MARCHF1: variants seen among roughly 807,000 people sequenced by gnomAD.
MARCHF1 encodes the protein membrane associated ring-CH-type finger 1.
MARCHF1 carries 40 observed loss-of-function variants against 54.2 expected under a neutral mutation model. The ratio of observed to expected loss-of-function variants is 0.74; its 90% CI spans 0.57 to 0.96. The LOEUF is 0.96. MARCHF1 is among the 40% of genes least tolerant of loss of function. MARCHF1 has a pLI of 0.00. For synonymous variants in MARCHF1, 236 were observed against 236.3 expected (o/e 1.00, Z 0.01); for missense variants, 586 against 656.5 (o/e 0.89, Z 1.17).
intron 2 of MARCHF1, among the ~76,000 whole-genome samples, chr4:164,103,274 A>T (rs1242804118): frequency 1.4e-5 from 1 of 73,364 alleles, no homozygotes; most frequent in African/African-American, 4.4e-5. Context: ...CCTAATAGAC[A>T]TCTACAGAAC....
chr4:164,226,697 T>C (rs2111166928), intron 1 of MARCHF1, among the ~76,000 whole-genome samples: 1 of 152,170 alleles, frequency 6.6e-6, no homozygotes, highest in African/African-American at 2.4e-5. Flanking sequence ...TAAAACTTTG[T>C]ACTAAATGTA....
At chr4:164,080,023 A>G (rs1031053944) in intron 2 of MARCHF1, among the ~76,000 whole-genome samples, 1 of 152,206 alleles carries the variant, frequency 6.6e-6, no homozygotes, top group Non-Finnish European at 1.5e-5. Flanking sequence ...TTTAATTAAT[A>G]GAATACAATT....
At position 163,945,546 on chromosome 4, in the gene MARCHF1, A is replaced by T. The variant is rs115982805; in HGVS notation, c.-39+42955T>A. Among the ~76,000 whole-genome samples, 954 of 152,222 alleles carry T rather than the reference A, an allele frequency of 6.3e-3. 9 individuals carry two copies. The highest frequency in any genetic ancestry group is 0.022 in the African/African-American group (910 of 41,540). On this transcript the variant is annotated intron_variant, in intron 3 of 9. Coordinates refer to ENST00000514618, the MANE Select transcript of MARCHF1 (RefSeq NM_001394959.1). ...AGCCTAGGTCTTTCTGAATTATTGAACTCAGTTCCAGCAATGCAACAAGGA... is the reference window on the plus strand; with the variant it reads ...AGCCTAGGTCTTTCTGAATTATTGATCTCAGTTCCAGCAATGCAACAAGGA...
chr4:163,803,662 C>G (rs1748145596), intron 4 of MARCHF1, among the ~76,000 whole-genome samples: 1 of 151,976 alleles, frequency 6.6e-6, no homozygotes, highest in East Asian at 1.9e-4. Flanking sequence ...GGATTTTTAC[C>G]TAGAGCTAAA....
At chr4:164,138,219 G>A (rs535757993) in intron 1 of MARCHF1, among the ~76,000 whole-genome samples, 3 of 150,852 alleles carry the variant, frequency 2.0e-5, no homozygotes, top group South Asian at 4.2e-4. Flanking sequence ...GCATTACCTA[G>A]GTTTTTTTTT....
chr4:164,160,962 A>G (rs1312997860), intron 1 of MARCHF1, among the ~76,000 whole-genome samples: 1 of 152,188 alleles, frequency 6.6e-6, no homozygotes, highest in African/African-American at 2.4e-5. Context: ...ACAAAAATCT[A>G]AGAATAACAT....
In MARCHF1 at chr4:164,332,973, T is replaced by C. The variant is rs571746026; in HGVS notation, c.-323+50897A>G. 2.6e-5 allele frequency among the ~76,000 whole-genome samples: 4 copies of C among 152,216 alleles called. No homozygotes were observed. The South Asian group carries it at 8.3e-4, about 32-fold the overall frequency. Reference sequence around the variant, plus strand: ...CATTATTGCTAAATTTTAGGGAATATTATGGTATTGTTCAATTGTTCTTGT... The same window carrying C: ...CATTATTGCTAAATTTTAGGGAATACTATGGTATTGTTCAATTGTTCTTGT... On this transcript the variant is annotated intron_variant, in intron 1 of 9. Transcript: ENST00000514618.
chr4:163,600,670 C>A (rs569220975), intron 7 of MARCHF1, among the ~76,000 whole-genome samples: 28 of 152,134 alleles, frequency 1.8e-4, no homozygotes, highest in Non-Finnish European at 3.1e-4. Flanking sequence ...TTTGGTTACA[C>A]CCCCAGAGAG....
rs1047585154 is a variant in MARCHF1, at chr4:164,297,439, G to A, written c.-323+86431C>T. Reference sequence around the variant, plus strand: ...AAGTCAGTCTCTAATATTCTTCCTTGTCTAATCATGAGGAAAACATCAGGC... The same window carrying A: ...AAGTCAGTCTCTAATATTCTTCCTTATCTAATCATGAGGAAAACATCAGGC... On this transcript the variant is annotated intron_variant, in intron 1 of 9. Coordinates refer to ENST00000514618, the MANE Select transcript of MARCHF1 (RefSeq NM_001394959.1). Among the ~76,000 whole-genome samples the A allele has an allele frequency of 5.9e-5, 9 of 152,202 alleles. No homozygotes were observed. In the South Asian group the frequency reaches 1.9e-3, roughly 32 times the overall value.
intron 5 of MARCHF1, among the ~76,000 whole-genome samples, chr4:163,675,339 A>G (rs1318030179): frequency 1.3e-5 from 2 of 152,194 alleles, no homozygotes; most frequent in Non-Finnish European, 2.9e-5. Context: ...AAGCTCATAT[A>G]ATAAAATTAC....
chr4:163,565,725 T>A (rs1313104445), intron 8 of MARCHF1, among the ~76,000 whole-genome samples: 1 of 152,202 alleles, frequency 6.6e-6, no homozygotes, highest in East Asian at 1.9e-4. Context: ...CCAGGAGTTC[T>A]TGCATATTCT....
chr4:164,199,677 CACACAGAG>C (rs1263306738), intron 1 of MARCHF1, among the ~76,000 whole-genome samples: 176 of 63,960 alleles, frequency 2.8e-3, no homozygotes, highest in African/African-American at 0.016. Context: ...CACACACACA[CACACAGAG>C]AGAGAGAGAG....
chr4:163,864,413 AG>A (rs1184918215), intron 3 of MARCHF1, among the ~76,000 whole-genome samples: 1 of 152,006 alleles, frequency 6.6e-6, no homozygotes, highest in East Asian at 1.9e-4. Flanking sequence ...ATGAAAAGCA[AG>A]GAAAGTCTAA....
At chr4:163,893,880 A>C (rs1181486251) in intron 3 of MARCHF1, among the ~76,000 whole-genome samples, 2 of 152,196 alleles carry the variant, frequency 1.3e-5, no homozygotes, top group Non-Finnish European at 2.9e-5. Context: ...ACACCAATAC[A>C]TCAAAGAAGT....
intron 3 of MARCHF1, among the ~76,000 whole-genome samples, chr4:163,981,484 A>C (rs796229573): frequency 7.9e-5 from 12 of 152,274 alleles, no homozygotes; most frequent in African/African-American, 2.9e-4. Context: ...TCAATTATTT[A>C]ACAGGGTCGC....
intron 4 of MARCHF1, among the ~76,000 whole-genome samples, chr4:163,728,762 C>T (rs569683972): frequency 1.3e-5 from 2 of 152,166 alleles, no homozygotes; most frequent in African/African-American, 4.8e-5. Context: ...AGCTTTATTT[C>T]TTGCTTCCCA....
intron 4 of MARCHF1, among the ~76,000 whole-genome samples, chr4:163,751,641 TAA>T (rs1240705540): frequency 7.9e-5 from 12 of 152,148 alleles, no homozygotes; most frequent in Admixed American, 4.6e-4. Flanking sequence ...GAAAAAATTA[TAA>T]AAATGGACTT....
chr4:163,754,344 G>C (rs542259543), intron 4 of MARCHF1, among the ~76,000 whole-genome samples: 2 of 152,302 alleles, frequency 1.3e-5, no homozygotes, highest in East Asian at 3.9e-4. Flanking sequence ...ACCAATAATG[G>C]AAGAGGAGTT....
At chr4:163,738,069 A>G (rs1416417508) in intron 4 of MARCHF1, among the ~76,000 whole-genome samples, 2 of 152,196 alleles carry the variant, frequency 1.3e-5, no homozygotes, top group East Asian at 1.9e-4. Context: ...TGGTAGGGTT[A>G]TATGCTCTTC....
Sources: gnomAD v4.1 joint callset for allele counts (sites outside exome capture counted in the v4.1 genomes callset) on GRCh38, gnomAD v4.1.1 for gene constraint, MANE v1.5 for transcripts, NCBI Gene and HGNC (gene_info 2026-07-23, HGNC 2026-07-21) for gene names.